Variants in ZNF516 observed in about 807,000 individuals in gnomAD.
ZNF516 encodes the protein zinc finger protein 516.
ZNF516 carries 19 observed loss-of-function variants against 79.7 expected under a neutral mutation model. That is an observed-to-expected ratio of 0.24 (90% CI 0.17 to 0.35). The LOEUF (loss-of-function observed/expected upper bound fraction) is 0.35, where lower values mean the gene tolerates loss of function less well. Among genes scored for constraint, ZNF516 ranks in the 10% least tolerant of loss-of-function variants. ZNF516 has a pLI of 1.00. For missense variants in ZNF516, 1,678 were observed against 1,679.5 expected (o/e 1.00, Z 0.02); for synonymous variants, 877 against 739.5 (o/e 1.19, Z -3.02).
At position 76,442,532 on chromosome 18, in the gene ZNF516, G is replaced by T; in HGVS notation, c.523C>A (p.Gln175Lys). ...CAPGEAKAAV[Q>K]CSFCKSQFER... ...AACTGGCTCTTGCAGAAGGAGCACT[G>T]GACCGCTGCCTTGGCCTCCCCCGGG... Residue 175 changes from glutamine to lysine, a missense_variant, in exon 3 of 7, where the codon CAG (glutamine) becomes AAG (lysine). Transcript: ENST00000443185. 1 of 1,600,092 alleles carries T rather than the reference G, an allele frequency of 6.2e-7. No homozygotes were observed.
intron 3 of ZNF516, among the ~76,000 whole-genome samples, chr18:76,419,627 G>A (rs1022499014): frequency 3.9e-5 from 6 of 152,150 alleles, no homozygotes; most frequent in Admixed American, 2.0e-4. Flanking sequence ...TCGTGACAGC[G>A]AATAAGTCTC....
In ZNF516 at chr18:76,443,279, C is replaced by A. The variant is rs1169045502; in HGVS notation, c.-157-68G>T. On this transcript the variant is annotated intron_variant, in intron 2 of 6. Coordinates refer to ENST00000443185, the MANE Select transcript of ZNF516 (RefSeq NM_014643.4). The stretch of plus-strand genomic sequence containing the variant: ...GAGGGCACAGGCATGGCTGCGGGAA[C>A]CCCCACATGCTCCCCAAAACATACC... 17 of 601,702 alleles carry A rather than the reference C, an allele frequency of 2.8e-5. 1 individual carries two copies. Among genetic ancestry groups the A allele is most frequent in the Non-Finnish European group, 3.6e-5 (13 of 363,864 alleles). The allele number at this position is 601,702 out of a possible 1,614,324, so 37.3% of individuals were successfully genotyped here. A position where few individuals can be genotyped will look rare whatever the true frequency, so the allele number is the denominator to read the frequency against.
intron 3 of ZNF516, 46 bp from the exon 4 acceptor site, chr18:76,380,349 G>GA: frequency 6.3e-7 from 1 of 1,591,614 alleles, no homozygotes; most frequent in Non-Finnish European, 8.5e-7. Context: ...TTTCTCATCA[G>GA]AACACAGCAA....
rs2074499512 is a variant in ZNF516, at chr18:76,359,426, A to G, written c.*3072T>C. The G allele has an allele frequency of 6.6e-6, 1 of 152,228 alleles. No individual in the cohort carries two copies. The highest frequency in any genetic ancestry group is 2.1e-4 in the South Asian group (1 of 4,828). 9.4% of individuals were successfully genotyped at this position (152,228 alleles called of 1,614,324 possible). On this transcript the variant is annotated 3_prime_UTR_variant, in exon 7 of 7. Coordinates refer to ENST00000443185, the MANE Select transcript of ZNF516 (RefSeq NM_014643.4). The stretch of plus-strand genomic sequence containing the variant: ...GGCCAATTTCCCAGAGAAGATCCTC[A>G]ATATCTGACTTTTGAGAGAATTTAA...
chr18:76,493,535 G>T lies in ZNF516; in HGVS notation c.-272+1609C>A, dbSNP rs964093014. ...AATCGTGTTTCCTTAAGAAAGAACT[G>T]ACCTATTTTTGGCTGGAGATAAACG... On this transcript the variant is annotated intron_variant, in intron 1 of 6. Coordinates refer to ENST00000443185, the MANE Select transcript of ZNF516 (RefSeq NM_014643.4). The surrounding 1 kb of genome is among the most constrained non-coding windows in gnomAD (Gnocchi z 5.2). The T allele has an allele frequency of 6.6e-6, 1 of 152,224 alleles. No homozygotes were observed. The highest frequency in any genetic ancestry group is 2.4e-5 in the African/African-American group (1 of 41,448). 9.4% of individuals were successfully genotyped at this position (152,224 alleles called of 1,614,324 possible). A position where few individuals can be genotyped will look rare whatever the true frequency, so the allele number is the denominator to read the frequency against.
chr18:76,407,500 A>G (rs1249529604), intron 3 of ZNF516, among the ~76,000 whole-genome samples: 2 of 152,168 alleles, frequency 1.3e-5, no homozygotes, highest in Non-Finnish European at 2.9e-5. Flanking sequence ...CTCGGGCGGC[A>G]GCATCCATAA....
At chr18:76,417,540 T>A (rs562764459) in intron 3 of ZNF516, among the ~76,000 whole-genome samples, 1 of 152,376 alleles carries the variant, frequency 6.6e-6, no homozygotes, top group Non-Finnish European at 1.5e-5. Context: ...TTTACCTTAA[T>A]GTATCATATT....
intron 1 of ZNF516, among the ~76,000 whole-genome samples, chr18:76,480,245 T>A (rs1914430488): frequency 6.6e-6 from 1 of 151,678 alleles, no homozygotes; most frequent in Admixed American, 6.6e-5. Context: ...GGATTTTGGA[T>A]ATACTGGATT....
intron 1 of ZNF516, among the ~76,000 whole-genome samples, chr18:76,483,666 A>T (rs1036705377): frequency 3.3e-5 from 5 of 152,080 alleles, no homozygotes; most frequent in Middle Eastern, 3.4e-3. Context: ...TTTCCCTATG[A>T]TTTTTTGGTG....
At chr18:76,389,202 G>A (rs987411611) in intron 3 of ZNF516, 1 of 151,702 alleles carries the variant, frequency 6.6e-6, no homozygotes, top group Non-Finnish European at 1.5e-5. Context: ...AAGGTCACGA[G>A]CCACAGCTGG....
intron 3 of ZNF516, among the ~76,000 whole-genome samples, chr18:76,400,866 A>G (rs1281770130): frequency 2.0e-5 from 3 of 152,166 alleles, no homozygotes; most frequent in Non-Finnish European, 4.4e-5. Context: ...CCAAATCACA[A>G]CACTATATTG....
intron 1 of ZNF516, chr18:76,490,943 G>A (rs1915145652): frequency 2.0e-6 from 2 of 985,284 alleles, no homozygotes; most frequent in African/African-American, 3.5e-5. Context: ...GAGACACTGT[G>A]AGGTCACACA....
intron 1 of ZNF516, among the ~76,000 whole-genome samples, chr18:76,484,753 CT>C (rs1275531349): frequency 1.3e-5 from 2 of 152,170 alleles, no homozygotes; most frequent in African/African-American, 2.4e-5. Context: ...TAATAACTTT[CT>C]TTTTAATCAA....
intron 1 of ZNF516, among the ~76,000 whole-genome samples, chr18:76,464,282 G>A (rs1337642317): frequency 1.3e-5 from 2 of 152,332 alleles, no homozygotes; most frequent in Admixed American, 6.5e-5. Flanking sequence ...TGAGGTAGAA[G>A]AATCGCTTGA....
intron 3 of ZNF516, chr18:76,388,714 A>C (rs1330326541): frequency 6.6e-6 from 1 of 152,276 alleles, no homozygotes; most frequent in African/African-American, 2.4e-5. Context: ...AAATCCCGTA[A>C]GGAAAAACAA....
intron 3 of ZNF516, among the ~76,000 whole-genome samples, chr18:76,437,552 T>C (rs777268009): frequency 2.6e-5 from 4 of 152,220 alleles, no homozygotes; most frequent in African/African-American, 9.6e-5. Context: ...AATTTGCCAT[T>C]ATGTTGATCA....
intron 3 of ZNF516, among the ~76,000 whole-genome samples, chr18:76,432,859 TAAC>T (rs1281983477): frequency 6.6e-6 from 1 of 152,128 alleles, no homozygotes; most frequent in Non-Finnish European, 1.5e-5. Context: ...TCATCCACAG[TAAC>T]AACAGATCAG....
intron 1 of ZNF516, among the ~76,000 whole-genome samples, chr18:76,489,700 T>G (rs761823990): frequency 6.6e-6 from 1 of 152,104 alleles, no homozygotes; most frequent in Non-Finnish European, 1.5e-5. Context: ...TGGGAAAACA[T>G]TGGTGAGGTA....
rs180759647 is a variant in ZNF516, at chr18:76,494,097, C to A, written c.-272+1047G>T. 6.0e-4 allele frequency among the ~76,000 whole-genome samples: 91 copies of A among 152,282 alleles called. No individual in the cohort carries two copies. In the East Asian group the frequency reaches 0.017, roughly 28 times the overall value. On this transcript the variant is annotated intron_variant, in intron 1 of 6. Transcript: ENST00000443185. Reference sequence around the variant, plus strand: ...ATTTTTCGGGTAAAAGGCTGGTTCCCTCTGGTCCCTAATTGCGGGGGTCCA... The same window carrying A: ...ATTTTTCGGGTAAAAGGCTGGTTCCATCTGGTCCCTAATTGCGGGGGTCCA...
Sources: allele counts gnomAD v4.1 joint callset (sites outside exome capture counted in the v4.1 genomes callset), GRCh38; gene constraint gnomAD v4.1.1; non-coding constraint Gnocchi (gnomAD v3.1); transcripts MANE v1.5; gene names NCBI Gene and HGNC (gene_info 2026-07-23, HGNC 2026-07-21).